The following FTO variants were observed in gnomAD, a reference collection of about 807,000 sequenced individuals.
FTO encodes FTO alpha-ketoglutarate dependent dioxygenase.
In FTO, 47 loss-of-function variants were observed where a neutral mutation model predicts 63.9. That is an observed-to-expected ratio of 0.74 (90% confidence interval 0.58 to 0.94). The LOEUF is 0.94. FTO is among the 40% of genes least tolerant of loss of function. FTO has a pLI of 0.00. For missense variants in FTO, 562 were observed against 618.1 expected, an observed-to-expected ratio of 0.91 and a Z score of 0.96; for synonymous variants, 207 against 224.4, an observed-to-expected ratio of 0.92 and a Z score of 0.69.
intron 3 of FTO, among the ~76,000 whole-genome samples, chr16:53,842,081 T>C (rs942020432): frequency 6.6e-6 from 1 of 152,232 alleles, no homozygotes; most frequent in African/African-American, 2.4e-5. Flanking sequence ...GCACAAGGAC[T>C]GTGAATGGAG....
intron 1 of FTO, among the ~76,000 whole-genome samples, chr16:53,796,814 A>G (rs888134659): frequency 2.0e-5 from 3 of 152,208 alleles, no homozygotes; most frequent in African/African-American, 4.8e-5. Context: ...TATAATTGAT[A>G]TAGAATAAAC....
chr16:54,059,689 T>C (rs1397382107), intron 8 of FTO, among the ~76,000 whole-genome samples: 1 of 152,198 alleles, frequency 6.6e-6, no homozygotes, highest in Admixed American at 6.5e-5. Context: ...TTAGATTTGA[T>C]GTCAACATTT....
intron 7 of FTO, among the ~76,000 whole-genome samples, chr16:53,893,534 C>T (rs1404532427): frequency 6.6e-6 from 1 of 152,104 alleles, no homozygotes; most frequent in Non-Finnish European, 1.5e-5. Context: ...TGGTATCGCT[C>T]TTTGCAAAAC....
intron 6 of FTO, 42 bp downstream of exon 6, chr16:53,880,029 C>A: frequency 6.7e-7 from 1 of 1,484,352 alleles, no homozygotes; most frequent in South Asian, 1.2e-5. Flanking sequence ...GAGTCTCGCT[C>A]TGTCACCCAG....
intron 7 of FTO, among the ~76,000 whole-genome samples, chr16:53,894,055 A>G (rs73607692): frequency 2.6e-3 from 392 of 152,304 alleles, no homozygotes; most frequent in African/African-American, 9.0e-3. Flanking sequence ...AAAATTTGGC[A>G]CAGGAGAGCA....
intron 8 of FTO, among the ~76,000 whole-genome samples, chr16:53,950,513 T>C (rs1455584104): frequency 2.0e-5 from 3 of 152,204 alleles, no homozygotes; most frequent in African/African-American, 7.2e-5. Flanking sequence ...GATATATTCA[T>C]GCAGCCAGAG....
intron 7 of FTO, among the ~76,000 whole-genome samples, chr16:53,904,198 T>C (rs1438353959): frequency 6.6e-6 from 1 of 152,168 alleles, no homozygotes; most frequent in African/African-American, 2.4e-5. Context: ...GCAAGAATGA[T>C]TGGTGAAAAA....
At chr16:53,927,665 A>G (rs920131408) in intron 7 of FTO, among the ~76,000 whole-genome samples, 1 of 152,198 alleles carries the variant, frequency 6.6e-6, no homozygotes, top group Non-Finnish European at 1.5e-5. Flanking sequence ...GAGGAAAGGC[A>G]TACAGGAGAC....
Position 53,959,507 on chromosome 16 carries a change from T to A in FTO, c.1364+25398T>A, listed in dbSNP as rs559799617. 2.0e-5 allele frequency among the ~76,000 whole-genome samples: 3 copies of A among 151,496 alleles called. No individual in the cohort carries two copies. In the East Asian group the frequency reaches 5.8e-4, roughly 29 times the overall value. On this transcript the variant is annotated intron_variant, in intron 8 of 8. Transcript: ENST00000471389. Reference sequence around the variant, plus strand: ...ATGTCAGTAGTAGCTAATAATAATATTATTTATTATTATTATAATTATTAT... The same window carrying A: ...ATGTCAGTAGTAGCTAATAATAATAATATTTATTATTATTATAATTATTAT...
chr16:53,801,707 C>T (rs1042723152), intron 1 of FTO, among the ~76,000 whole-genome samples: 4 of 148,992 alleles, frequency 2.7e-5, no homozygotes, highest in Admixed American at 6.7e-5. Context: ...CCACTGTCTT[C>T]TGTCTTCCGG....
At chr16:53,806,699 G>T (rs74018597) in intron 1 of FTO, among the ~76,000 whole-genome samples, 5,709 of 152,254 alleles carry the variant, frequency 0.037, 131 homozygotes, top group South Asian at 0.08. Context: ...CCATTTTAAA[G>T]TGTACAGTTC....
chr16:53,715,815 A>G (rs1428298398), intron 1 of FTO, among the ~76,000 whole-genome samples: 1 of 152,298 alleles, frequency 6.6e-6, no homozygotes. Flanking sequence ...TCTTGGCAGT[A>G]TATTTATTCT....
At chr16:54,104,313 CTTT>C (rs71146725) in intron 8 of FTO, among the ~76,000 whole-genome samples, 6 of 132,050 alleles carry the variant, frequency 4.5e-5, no homozygotes, top group African/African-American at 5.6e-5. Flanking sequence ...CCTGAGGCCT[CTTT>C]TTTTTTTTTT....
intron 8 of FTO, among the ~76,000 whole-genome samples, chr16:54,038,267 T>C (rs568982793): frequency 6.6e-5 from 10 of 152,314 alleles, no homozygotes; most frequent in Middle Eastern, 3.4e-3. Context: ...TTACCTCCTG[T>C]AACCTGACCC....
intron 2 of FTO, among the ~76,000 whole-genome samples, chr16:53,819,449 G>A (rs1475712224): frequency 6.6e-6 from 1 of 152,184 alleles, no homozygotes; most frequent in African/African-American, 2.4e-5. Context: ...TGGGATTACA[G>A]GTGTGAGCCA....
chr16:53,950,762 G>A (rs1332660314), intron 8 of FTO, among the ~76,000 whole-genome samples: 3 of 152,164 alleles, frequency 2.0e-5, no homozygotes, highest in Non-Finnish European at 4.4e-5. Context: ...CTTTCCCATA[G>A]TGGGGAATTA....
chr16:53,925,577 A>G (rs911263930), intron 7 of FTO, among the ~76,000 whole-genome samples: 7 of 152,044 alleles, frequency 4.6e-5, no homozygotes, highest in African/African-American at 1.7e-4. Flanking sequence ...AGACGGAGAG[A>G]TTAAGTCTGA....
In FTO at chr16:53,787,917, G is replaced by A. The variant is rs536046472; in HGVS notation, c.46-22223G>A. Reference sequence around the variant, plus strand: ...CCCAGATATGTGTTATGCTGATTCTGTGTGATTGGCTACTTCCAGGATTGA... The same window carrying A: ...CCCAGATATGTGTTATGCTGATTCTATGTGATTGGCTACTTCCAGGATTGA... On this transcript the variant is annotated intron_variant, in intron 1 of 8. Coordinates refer to ENST00000471389, the MANE Select transcript of FTO (RefSeq NM_001080432.3). Among the ~76,000 whole-genome samples, 7 of 152,322 alleles carry A rather than the reference G, an allele frequency of 4.6e-5. No homozygotes were observed. In the East Asian group the frequency reaches 1.2e-3, roughly 25 times the overall value.
At chr16:53,904,418 C>T (rs928393607) in intron 7 of FTO, among the ~76,000 whole-genome samples, 14 of 152,204 alleles carry the variant, frequency 9.2e-5, no homozygotes, top group Non-Finnish European at 1.6e-4. Context: ...AATCCCAATA[C>T]ATATAGCGGT....
Sources: allele counts gnomAD v4.1 joint callset (sites outside exome capture counted in the v4.1 genomes callset), GRCh38; gene constraint gnomAD v4.1.1; transcripts MANE v1.5; gene names NCBI Gene and HGNC (gene_info 2026-07-23, HGNC 2026-07-21).